Variants in ARHGAP26 observed in about 807,000 individuals in gnomAD.
The protein encoded by ARHGAP26 is rho GTPase-activating protein 26.
In ARHGAP26, 38 loss-of-function variants were observed where a neutral mutation model predicts 104.8. The ratio of observed to expected loss-of-function variants is 0.36; its 90% CI spans 0.28 to 0.48. ARHGAP26 has a LOEUF of 0.48. Ranked by LOEUF, ARHGAP26 falls within the 20% of genes least tolerant of loss-of-function variation. ARHGAP26 has a pLI of 0.99. For synonymous variants in ARHGAP26, 341 were observed against 340.0 expected (o/e 1.00, Z -0.03); for missense variants, 704 against 947.9 (o/e 0.74, Z 3.38).
In ARHGAP26 at chr5:143,030,322, G is replaced by A. The variant is rs115252728; in HGVS notation, c.1145-6874G>A. On this transcript the variant is annotated intron_variant, in intron 12 of 22. Coordinates refer to ENST00000645722, the MANE Select transcript of ARHGAP26 (RefSeq NM_001135608.3). ...TTAGATGGCCGAGTTAGTGTAATATGGAGAAGCCCTCCTCTCAGCCCCAGC... is the reference window on the plus strand; with the variant it reads ...TTAGATGGCCGAGTTAGTGTAATATAGAGAAGCCCTCCTCTCAGCCCCAGC... Among the ~76,000 whole-genome samples the A allele has an allele frequency of 8.7e-4, 132 of 152,288 alleles. 1 individual carries two copies. The highest frequency in any genetic ancestry group is 3.4e-3 in the Middle Eastern group (1 of 294).
At chr5:143,012,537 T>TTATATATATATG (rs752338630) in intron 11 of ARHGAP26, among the ~76,000 whole-genome samples, 3 of 17,644 alleles carry the variant, frequency 1.7e-4, no homozygotes, top group Non-Finnish European at 4.6e-4. Flanking sequence ...AGGGATATAT[T>TTATATATATATG]TATATACATA....
intron 1 of ARHGAP26, among the ~76,000 whole-genome samples, chr5:142,850,776 A>T (rs1751358079): frequency 6.6e-6 from 1 of 152,230 alleles, no homozygotes; most frequent in South Asian, 2.1e-4. Flanking sequence ...GTTTTGTATT[A>T]TGCAGAGCCC....
At chr5:143,109,629 G>A (rs1423643190) in intron 17 of ARHGAP26, among the ~76,000 whole-genome samples, 3 of 151,920 alleles carry the variant, frequency 2.0e-5, no homozygotes, top group Non-Finnish European at 4.4e-5. Flanking sequence ...TAGTAGAGAT[G>A]GGGTTTTGCC....
chr5:143,000,663 G>A (rs4912887), intron 11 of ARHGAP26, among the ~76,000 whole-genome samples: 4 of 152,208 alleles, frequency 2.6e-5, no homozygotes, highest in Admixed American at 1.3e-4. Context: ...TAAAGAAAAT[G>A]GGGCACATAT....
intron 5 of ARHGAP26, among the ~76,000 whole-genome samples, chr5:142,893,163 A>AT (rs1758933772): frequency 6.6e-6 from 1 of 152,016 alleles, no homozygotes; most frequent in Non-Finnish European, 1.5e-5. Flanking sequence ...TTTTTAGTAG[A>AT]GATGGGGTTT....
At chr5:143,033,131 A>G (rs1484363841) in intron 12 of ARHGAP26, among the ~76,000 whole-genome samples, 2 of 152,260 alleles carry the variant, frequency 1.3e-5, no homozygotes, top group African/African-American at 4.8e-5. Context: ...CAATATGTAA[A>G]TATCGTATCC....
intron 10 of ARHGAP26, among the ~76,000 whole-genome samples, chr5:142,914,371 C>A (rs1463531443): frequency 6.6e-6 from 1 of 152,270 alleles, no homozygotes; most frequent in Non-Finnish European, 1.5e-5. Flanking sequence ...TCAAGCCAGA[C>A]AACCTGGGTT....
At chr5:142,921,644 T>A (rs910827892) in intron 10 of ARHGAP26, 3 of 166,866 alleles carry the variant, frequency 1.8e-5, no homozygotes, top group Non-Finnish European at 4.4e-5. Flanking sequence ...ATTTCAAATA[T>A]GTTTGTATGG....
At chr5:142,814,185 T>C (rs1353154101) in intron 1 of ARHGAP26, among the ~76,000 whole-genome samples, 1 of 152,248 alleles carries the variant, frequency 6.6e-6, no homozygotes, top group Non-Finnish European at 1.5e-5. Flanking sequence ...AATTTGTTGA[T>C]AGTAAAAGTG....
At chr5:143,063,907 G>A (rs574370641) in intron 17 of ARHGAP26, among the ~76,000 whole-genome samples, 1 of 152,282 alleles carries the variant, frequency 6.6e-6, no homozygotes, top group African/African-American at 2.4e-5. Context: ...GCCCAGGTAT[G>A]TATCTCTCCC....
intron 17 of ARHGAP26, among the ~76,000 whole-genome samples, chr5:143,117,072 T>C (rs748653730): frequency 6.6e-6 from 1 of 152,328 alleles, no homozygotes; most frequent in South Asian, 2.1e-4. Context: ...CACGTGGATG[T>C]AGGGATCTGA....
chr5:143,150,071 A>G (rs1337907747), intron 20 of ARHGAP26, among the ~76,000 whole-genome samples: 1 of 152,184 alleles, frequency 6.6e-6, no homozygotes, highest in East Asian at 1.9e-4. Flanking sequence ...TCAGGCATCA[A>G]AATTAGAGAG....
chr5:142,799,612 A>G (rs530909526), intron 1 of ARHGAP26, among the ~76,000 whole-genome samples: 4 of 152,280 alleles, frequency 2.6e-5, no homozygotes, highest in African/African-American at 9.6e-5. Flanking sequence ...ACAGAAATTT[A>G]TTGGCTCAAA....
intron 13 of ARHGAP26, among the ~76,000 whole-genome samples, chr5:143,038,697 T>A (rs1488799923): frequency 7.6e-6 from 1 of 132,332 alleles, no homozygotes; most frequent in Non-Finnish European, 1.6e-5. Flanking sequence ...TTTTTTTTTT[T>A]TTTTTTTTTT....
chr5:143,172,326 A>T (rs1802889552), intron 20 of ARHGAP26, among the ~76,000 whole-genome samples: 1 of 152,166 alleles, frequency 6.6e-6, no homozygotes, highest in African/African-American at 2.4e-5. Context: ...TGTACAGTTG[A>T]GTAAAATGAG....
intron 20 of ARHGAP26, among the ~76,000 whole-genome samples, chr5:143,206,166 C>T (rs892589346): frequency 6.6e-6 from 1 of 152,192 alleles, no homozygotes; most frequent in Admixed American, 6.5e-5. Context: ...GTCTGTTCCC[C>T]TTGAACCGGA....
At chr5:142,938,610 C>T (rs13188405) in intron 11 of ARHGAP26, among the ~76,000 whole-genome samples, 2,386 of 152,286 alleles carry the variant, frequency 0.016, 22 homozygotes, top group Middle Eastern at 0.054. Context: ...TTTCTACCAG[C>T]CCATCATCAT....
intron 17 of ARHGAP26, among the ~76,000 whole-genome samples, chr5:143,076,539 C>T (rs937264192): frequency 6.6e-6 from 1 of 152,098 alleles, no homozygotes; most frequent in African/African-American, 2.4e-5. Flanking sequence ...TAACATTTGT[C>T]AGTTTGTTCC....
chr5:143,193,757 A>G (rs562768891), intron 20 of ARHGAP26, among the ~76,000 whole-genome samples: 54 of 152,366 alleles, frequency 3.5e-4, no homozygotes, highest in Non-Finnish European at 6.9e-4. Flanking sequence ...TTGAGACATT[A>G]CATTCACATA....
Sources: gnomAD v4.1 joint callset for allele counts (sites outside exome capture counted in the v4.1 genomes callset) on GRCh38, gnomAD v4.1.1 for gene constraint, MANE v1.5 for transcripts, NCBI Gene and HGNC (gene_info 2026-07-23, HGNC 2026-07-21) for gene names.